The following OCA2 variants were observed in gnomAD, a reference collection of about 807,000 sequenced individuals.
OCA2 encodes P protein.
In OCA2, 77 loss-of-function variants were observed where a neutral mutation model predicts 100.2. That is an observed-to-expected ratio of 0.77 (90% confidence interval 0.64 to 0.93). The LOEUF (loss-of-function observed/expected upper bound fraction) is 0.93. Among genes scored for constraint, OCA2 ranks in the 40% least tolerant of loss-of-function variants. The pLI, the probability that OCA2 is intolerant of heterozygous loss-of-function variation, is 0.00. For synonymous variants in OCA2, 432 were observed against 439.2 expected, an observed-to-expected ratio of 0.98 and a Z score of 0.21; for missense variants, 1,062 against 1,089.1, an observed-to-expected ratio of 0.98 and a Z score of 0.35.
chr15:27,988,641 A>G (rs1232030276), intron 11 of OCA2, among the ~76,000 whole-genome samples: 1 of 152,230 alleles, frequency 6.6e-6, no homozygotes, highest in African/African-American at 2.4e-5. Flanking sequence ...TTTAAGCCAC[A>G]CGGTCTGTGG....
chr15:27,889,294 C>T (rs1028075245), intron 19 of OCA2, among the ~76,000 whole-genome samples: 3 of 152,180 alleles, frequency 2.0e-5, no homozygotes, highest in Admixed American at 2.0e-4. Flanking sequence ...TGCTCTCTCT[C>T]ACCTTTGAGG....
chr15:28,073,137 G>A (rs898724506), intron 2 of OCA2, among the ~76,000 whole-genome samples: 1 of 152,154 alleles, frequency 6.6e-6, no homozygotes, highest in Non-Finnish European at 1.5e-5. Flanking sequence ...AAATCCGCAG[G>A]GCACGGTGGC....
intron 23 of OCA2, among the ~76,000 whole-genome samples, chr15:27,773,343 T>C (rs1390336184): frequency 6.6e-6 from 1 of 152,214 alleles, no homozygotes; most frequent in Non-Finnish European, 1.5e-5. Context: ...AATGAACCAG[T>C]ATCCTTTGAC....
At chr15:28,023,002 A>C (rs1369498217) in intron 5 of OCA2, among the ~76,000 whole-genome samples, 1 of 152,222 alleles carries the variant, frequency 6.6e-6, no homozygotes, top group Non-Finnish European at 1.5e-5. Flanking sequence ...AGTTCAAATC[A>C]TTCCTCAAAT....
chr15:28,042,131 T>C (rs1287800639), intron 2 of OCA2, among the ~76,000 whole-genome samples: 1 of 123,682 alleles, frequency 8.1e-6, no homozygotes, highest in African/African-American at 3.0e-5. Flanking sequence ...ACATGCTATT[T>C]TTAAAGGAAG....
chr15:27,986,550 A>T (rs2041357708), intron 12 of OCA2, 37 bp downstream of exon 12: 1 of 1,205,188 alleles, frequency 8.3e-7, no homozygotes, highest in South Asian at 1.2e-5. Context: ...ATATAAATTA[A>T]TCAGGATAGA....
intron 19 of OCA2, among the ~76,000 whole-genome samples, chr15:27,874,636 G>A (rs900622693): frequency 6.6e-6 from 1 of 152,198 alleles, no homozygotes; most frequent in African/African-American, 2.4e-5. Flanking sequence ...GAATGTAAAA[G>A]AGGAATTTTG....
intron 23 of OCA2, among the ~76,000 whole-genome samples, chr15:27,796,515 T>C (rs903023161): frequency 4.6e-5 from 7 of 152,226 alleles, no homozygotes; most frequent in African/African-American, 1.7e-4. Context: ...GTAATGGGGC[T>C]AAGCAGAGAG....
intron 23 of OCA2, among the ~76,000 whole-genome samples, chr15:27,758,563 A>G (rs1252485655): frequency 1.3e-5 from 2 of 152,240 alleles, no homozygotes; most frequent in Non-Finnish European, 2.9e-5. Flanking sequence ...CAAAGCAGCT[A>G]CCATAAAAAT....
intron 23 of OCA2, among the ~76,000 whole-genome samples, chr15:27,819,390 A>G (rs1412086430): frequency 6.6e-6 from 1 of 152,256 alleles, no homozygotes; most frequent in African/African-American, 2.4e-5. Context: ...ACTTCAGAGC[A>G]GGGTTACAGT....
chr15:27,895,871 C>A, intron 19 of OCA2: 1 of 566,658 alleles, frequency 1.8e-6, no homozygotes, highest in Non-Finnish European at 3.2e-6. Flanking sequence ...TTGTGTAACA[C>A]ACAGAGATAT....
chr15:28,070,244 G>C (rs1423529713), intron 2 of OCA2, among the ~76,000 whole-genome samples: 1 of 132,674 alleles, frequency 7.5e-6, no homozygotes, highest in Non-Finnish European at 1.5e-5. Flanking sequence ...CTCTCCGCCC[G>C]GCAGCCACCC....
intron 2 of OCA2, among the ~76,000 whole-genome samples, chr15:28,038,936 A>G (rs979187088): frequency 3.3e-5 from 5 of 152,280 alleles, no homozygotes; most frequent in African/African-American, 1.2e-4. Context: ...CAAGAGATGC[A>G]CTGTAGATCA....
intron 23 of OCA2, among the ~76,000 whole-genome samples, chr15:27,822,966 T>G (rs748674084): frequency 1.3e-5 from 2 of 152,238 alleles, no homozygotes; most frequent in Non-Finnish European, 2.9e-5. Context: ...CTATCGTGAG[T>G]TCACTAATAT....
intron 23 of OCA2, among the ~76,000 whole-genome samples, chr15:27,821,591 CGT>C (rs1293125214): frequency 2.6e-5 from 4 of 151,984 alleles, no homozygotes; most frequent in Admixed American, 2.0e-4. Flanking sequence ...ATGGGCCACA[CGT>C]GTGTGCATCC....
At chr15:27,876,515 G>T (rs993019392) in intron 19 of OCA2, among the ~76,000 whole-genome samples, 2 of 151,836 alleles carry the variant, frequency 1.3e-5, no homozygotes, top group East Asian at 3.9e-4. Flanking sequence ...TTATAGGATT[G>T]GTATTATTTC....
chr15:27,725,271 T>C, the OCA2 span, among the ~76,000 whole-genome samples: 8 of 152,242 alleles, frequency 5.3e-5, no homozygotes, highest in African/African-American at 1.9e-4. Context: ...GGACATAGAC[T>C]GTAGGCCAAG....
At position 27,906,853 on chromosome 15, in the gene OCA2, C is replaced by T. The variant is rs76349791; in HGVS notation, c.2079+19274G>A. Among the ~76,000 whole-genome samples the T allele has an allele frequency of 5.4e-4, 83 of 152,326 alleles. No homozygotes were observed. In the East Asian group the frequency reaches 0.015, roughly 28 times the overall value. On this transcript the variant is annotated intron_variant, in intron 19 of 23. Coordinates refer to ENST00000354638, the MANE Select transcript of OCA2 (RefSeq NM_000275.3). ...GAGGCAGACACCAACATCCACTCAGCTTCTGGTGAGGGCCTCAGGCTGCTC... is the reference window on the plus strand; with the variant it reads ...GAGGCAGACACCAACATCCACTCAGTTTCTGGTGAGGGCCTCAGGCTGCTC...
intron 3 of OCA2, 99 bp downstream of exon 3, chr15:28,031,955 GCAGAGGTTAAA>G: frequency 1.2e-6 from 1 of 808,582 alleles, no homozygotes; most frequent in Admixed American, 1.7e-5. Context: ...CAAGGATCTG[GCAGAGGTTAAA>G]CATGTCCAAT....
Sources: gnomAD v4.1 joint callset for allele counts (sites outside exome capture counted in the v4.1 genomes callset) on GRCh38, gnomAD v4.1.1 for gene constraint, MANE v1.5 for transcripts, NCBI Gene and HGNC (gene_info 2026-07-23, HGNC 2026-07-21) for gene names.